Variants in PHLPP1 observed in about 807,000 individuals in gnomAD.
PHLPP1 encodes PH domain leucine-rich repeat-containing protein phosphatase 1.
Under a neutral mutation model 117.2 loss-of-function variants are expected in PHLPP1, and 42 were observed. The observed-to-expected ratio is 0.36, with a 90% CI of 0.28 to 0.46. The LOEUF (loss-of-function observed/expected upper bound fraction) is 0.46. Among genes scored for constraint, PHLPP1 ranks in the 20% least tolerant of loss-of-function variants. The pLI is 1.00. For missense variants in PHLPP1, 2,084 were observed against 2,241.9 expected (o/e 0.93, Z 1.42); for synonymous variants, 1,042 against 970.7 (o/e 1.07, Z -1.37).
intron 1 of PHLPP1, chr18:62,826,324 T>G (rs1457720390): frequency 8.2e-6 from 3 of 367,618 alleles, no homozygotes; most frequent in African/African-American, 6.4e-5. Flanking sequence ...GGGGAATGAC[T>G]TATTTTATTA....
intron 3 of PHLPP1, among the ~76,000 whole-genome samples, chr18:62,842,710 T>C (rs188510523): frequency 2.6e-5 from 4 of 152,268 alleles, no homozygotes; most frequent in Admixed American, 2.6e-4. Context: ...TCTCCAATTT[T>C]AAAAACCAGA....
chr18:62,966,563 C>T (rs975718322), intron 14 of PHLPP1, among the ~76,000 whole-genome samples: 10 of 150,400 alleles, frequency 6.6e-5, no homozygotes, highest in South Asian at 2.1e-4. Context: ...CTCCACCTCC[C>T]GGGTTCACGC....
At chr18:62,720,957 C>T (rs917632340) in intron 1 of PHLPP1, among the ~76,000 whole-genome samples, 5 of 152,112 alleles carry the variant, frequency 3.3e-5, no homozygotes, top group African/African-American at 4.8e-5. Flanking sequence ...AGATCTGACT[C>T]GTCGTATTTC....
intron 1 of PHLPP1, among the ~76,000 whole-genome samples, chr18:62,794,747 G>A (rs1304438431): frequency 6.6e-6 from 1 of 152,118 alleles, no homozygotes; most frequent in South Asian, 2.1e-4. Context: ...GACTCAGTTT[G>A]TATTTGTAGA....
At chr18:62,826,331 A>T in intron 1 of PHLPP1, 1 of 365,662 alleles carries the variant, frequency 2.7e-6, no homozygotes, top group South Asian at 2.1e-5. Flanking sequence ...GACTTATTTT[A>T]TTATTTTAGA....
chr18:62,738,787 C>T (rs1396367226), intron 1 of PHLPP1, among the ~76,000 whole-genome samples: 2 of 152,174 alleles, frequency 1.3e-5, no homozygotes, highest in Non-Finnish European at 2.9e-5. Context: ...CTGTATTGTA[C>T]TCATCTATTT....
chr18:62,777,168 A>G (rs1224890020), intron 1 of PHLPP1, among the ~76,000 whole-genome samples: 1 of 152,222 alleles, frequency 6.6e-6, no homozygotes, highest in Non-Finnish European at 1.5e-5. Flanking sequence ...TTTCACTAGC[A>G]GTGTTTGAAA....
chr18:62,805,696 T>A (rs1304172620), intron 1 of PHLPP1, among the ~76,000 whole-genome samples: 1 of 152,246 alleles, frequency 6.6e-6, no homozygotes, highest in Admixed American at 6.5e-5. Flanking sequence ...TTCGATGGCA[T>A]ACACTTTTAG....
Position 62,717,164 on chromosome 18 carries a change from A to G in PHLPP1, c.1481A>G (p.Asn494Ser). The G allele has an allele frequency of 6.2e-7, 1 of 1,613,386 alleles. No homozygotes were observed. Among genetic ancestry groups the G allele is most frequent in the Non-Finnish European group, 8.5e-7 (1 of 1,179,766 alleles). The change falls in exon 1 of 17, where the codon AAT becomes AGT. Residue 494 changes from asparagine to serine, a missense_variant. By Grantham distance (46) the Asn-to-Ser change is conservative. Around this residue, in one of 2 missense-constraint regions of PHLPP1, gnomAD observed 1,365 missense variants for 1,605.9 expected, o/e 0.85. Transcript: ENST00000262719. ...GAGGAGAAGCCATTGCAGATCCAAA[A>G]TGACTACCTCTTCCAACTGGGATTT... ...EAEEKPLQIQ[N>S]DYLFQLGFGE... is the part of the protein sequence containing the mutation.
chr18:62,961,034 C>T (rs757296847), intron 13 of PHLPP1, among the ~76,000 whole-genome samples: 3 of 152,174 alleles, frequency 2.0e-5, no homozygotes, highest in Non-Finnish European at 2.9e-5. Context: ...TGGTGGCTCA[C>T]GCCTGTAATC....
intron 1 of PHLPP1, among the ~76,000 whole-genome samples, chr18:62,801,993 AT>A (rs889772912): frequency 3.3e-5 from 5 of 150,938 alleles, no homozygotes; most frequent in African/African-American, 1.2e-4. Flanking sequence ...TACTTTTTCT[AT>A]TTTTTTTAAC....
intron 13 of PHLPP1, among the ~76,000 whole-genome samples, chr18:62,961,879 AT>A (rs1398608412): frequency 6.6e-6 from 1 of 152,190 alleles, no homozygotes; most frequent in Non-Finnish European, 1.5e-5. Flanking sequence ...TTAACCATAT[AT>A]TTTTAAATTT....
chr18:62,847,549 A>C (rs899819371), intron 3 of PHLPP1, among the ~76,000 whole-genome samples: 1 of 152,208 alleles, frequency 6.6e-6, no homozygotes, highest in African/African-American at 2.4e-5. Context: ...AGGAACTTAC[A>C]GCTGCATTTT....
At position 62,963,492 on chromosome 18, in the gene PHLPP1, A is replaced by G. The variant is rs374322676; in HGVS notation, c.3560+20A>G. 3.3e-6 allele frequency: 5 copies of G among 1,496,760 alleles called. No homozygotes were observed. In the African/African-American group the frequency reaches 5.5e-5, roughly 16 times the overall value. The allele number at this position is 1,496,760 out of a possible 1,614,324, so 92.7% of individuals were successfully genotyped here. On this transcript the variant is annotated intron_variant, in intron 14 of 16. Transcript: ENST00000262719. ...AAACAAGTAAGTCAGATGAAACTTT[A>G]GAGGAAGAAGTGCCTCCTGCCTGTC...
Position 62,830,265 on chromosome 18 carries a change from G to C in PHLPP1, c.1773+34G>C. ...GTTTGTTTGTTTGTTTATTGAGTCA[G>C]AGTCTCACTCTGTCACCCAGGCTCA... On this transcript the variant is annotated intron_variant, in intron 2 of 16. Transcript: ENST00000262719. 3.3e-6 allele frequency: 5 copies of C among 1,519,076 alleles called. No homozygotes were observed. In the South Asian group the frequency reaches 6.2e-5, roughly 19 times the overall value. The allele number at this position is 1,519,076 out of a possible 1,614,324, so 94.1% of individuals were successfully genotyped here. A position where few individuals can be genotyped will look rare whatever the true frequency, so the allele number is the denominator to read the frequency against.
intron 10 of PHLPP1, among the ~76,000 whole-genome samples, chr18:62,926,280 C>T (rs1434720913): frequency 6.6e-6 from 1 of 152,152 alleles, no homozygotes; most frequent in Non-Finnish European, 1.5e-5. Flanking sequence ...TGGAAAGTGG[C>T]CGATTATGTA....
chr18:62,853,222 A>C (rs1915405138), intron 3 of PHLPP1, among the ~76,000 whole-genome samples: 1 of 152,194 alleles, frequency 6.6e-6, no homozygotes, highest in Non-Finnish European at 1.5e-5. Context: ...ATTTGGGAAA[A>C]AAAGAGACCA....
chr18:62,927,386 G>A (rs560878817), intron 10 of PHLPP1, among the ~76,000 whole-genome samples: 9 of 152,208 alleles, frequency 5.9e-5, no homozygotes, highest in South Asian at 2.1e-4. Context: ...CGAATAGTTC[G>A]TACCCCAAAA....
intron 3 of PHLPP1, among the ~76,000 whole-genome samples, chr18:62,854,746 G>GA (rs1915450671): frequency 6.8e-6 from 1 of 148,128 alleles, no homozygotes; most frequent in Non-Finnish European, 1.5e-5. Flanking sequence ...ACCCAGGGTG[G>GA]AGTGTGATGG....
Sources: allele counts gnomAD v4.1 joint callset (sites outside exome capture counted in the v4.1 genomes callset), GRCh38; gene constraint gnomAD v4.1.1; regional missense constraint gnomAD v4.1.1; transcripts MANE v1.5; gene names NCBI Gene and HGNC (gene_info 2026-07-23, HGNC 2026-07-21).